Variants in NAV2 observed in about 807,000 individuals in gnomAD.
NAV2 encodes helicase, APC down-regulated 1.
A neutral mutation model predicts 223.2 loss-of-function variants in NAV2; 54 were observed. That is an observed-to-expected ratio of 0.24 (90% CI 0.19 to 0.30). The LOEUF is 0.30. Ranked by LOEUF, NAV2 falls within the 10% of genes least tolerant of loss-of-function variation. NAV2 has a pLI of 1.00. For missense variants in NAV2, 2,806 were observed against 3,147.5 expected (o/e 0.89, Z 2.60); for synonymous variants, 1,279 against 1,239.3 (o/e 1.03, Z -0.67).
At chr11:19,354,616 T>G (rs896143757) in intron 1 of NAV2, among the ~76,000 whole-genome samples, 2 of 152,264 alleles carry the variant, frequency 1.3e-5, no homozygotes, top group East Asian at 1.9e-4. Flanking sequence ...TAACTTAGAT[T>G]CAGTAAAGTG....
chr11:19,870,887 C>G (rs1416715342), intron 4 of NAV2, among the ~76,000 whole-genome samples: 2 of 152,120 alleles, frequency 1.3e-5, no homozygotes, highest in Non-Finnish European at 2.9e-5. Flanking sequence ...TGGATAAAAT[C>G]TAGGTATGCC....
At chr11:19,750,920 A>G (rs1313707548) in intron 1 of NAV2, among the ~76,000 whole-genome samples, 2 of 152,160 alleles carry the variant, frequency 1.3e-5, no homozygotes, top group Non-Finnish European at 2.9e-5. Context: ...TCTGATTCCC[A>G]CCAGGTACTC....
At chr11:19,675,548 TGCCTCCTGGCAC>T (rs1416189155) in intron 1 of NAV2, among the ~76,000 whole-genome samples, 2 of 152,250 alleles carry the variant, frequency 1.3e-5, no homozygotes, top group Non-Finnish European at 2.9e-5. Flanking sequence ...GCATGTCATA[TGCCTCCTGGCAC>T]AGGACATAGC....
At chr11:20,105,852 A>G (rs969626631) in intron 35 of NAV2, 125 bp downstream of exon 35, 9 of 747,744 alleles carry the variant, frequency 1.2e-5, no homozygotes, top group African/African-American at 7.2e-5. Flanking sequence ...AAAGATAGAA[A>G]GTGGGGCAGA....
chr11:19,997,226 G>A (rs2051991426), intron 11 of NAV2, among the ~76,000 whole-genome samples: 1 of 152,178 alleles, frequency 6.6e-6, no homozygotes, highest in Admixed American at 6.5e-5. Context: ...GAAGGTGAGT[G>A]CAGGGACGAC....
intron 1 of NAV2, among the ~76,000 whole-genome samples, chr11:19,471,867 C>T (rs920813384): frequency 1.7e-4 from 26 of 152,148 alleles, no homozygotes; most frequent in Non-Finnish European, 2.9e-4. Context: ...ACTGCTATTC[C>T]CACAGATGCT....
upstream of NAV2, among the ~76,000 whole-genome samples, chr11:19,708,717 G>A (rs563558160): frequency 1.3e-5 from 2 of 152,252 alleles, no homozygotes; most frequent in South Asian, 4.1e-4. Context: ...GAACTATCCA[G>A]TCTCTTAGGA....
intron 1 of NAV2, among the ~76,000 whole-genome samples, chr11:19,786,168 C>G (rs1251915454): frequency 6.6e-6 from 1 of 152,204 alleles, no homozygotes. Flanking sequence ...TAGACTTCTT[C>G]AAAGAGGCAA....
intron 1 of NAV2, among the ~76,000 whole-genome samples, chr11:19,603,763 A>G (rs568260644): frequency 3.0e-4 from 45 of 152,276 alleles, no homozygotes; most frequent in African/African-American, 1.0e-3. Context: ...AAGATGTATA[A>G]CATTAACTGG....
At chr11:20,043,124 G>C (rs1378423972) in intron 12 of NAV2, among the ~76,000 whole-genome samples, 1 of 152,138 alleles carries the variant, frequency 6.6e-6, no homozygotes, top group Non-Finnish European at 1.5e-5. Context: ...TTGAGGATGC[G>C]CTTCCCCTCA....
At chr11:19,927,413 C>G (rs1044597040) in intron 6 of NAV2, among the ~76,000 whole-genome samples, 1 of 152,196 alleles carries the variant, frequency 6.6e-6, no homozygotes, top group Non-Finnish European at 1.5e-5. Context: ...GAAACCCCAT[C>G]TCTACTAAGA....
Position 19,812,387 on chromosome 11 carries a change from C to G in NAV2, c.268-20097C>G, listed in dbSNP as rs540543257. ...CCTGGCCATTCACTCTCTAATGCAT[C>G]TTCATAGCATTTATTATTCTCTAAT... On this transcript the variant is annotated intron_variant, in intron 1 of 37. Transcript: ENST00000349880. 9.2e-4 allele frequency among the ~76,000 whole-genome samples: 140 copies of G among 152,168 alleles called. 3 individuals are homozygous for G. In the South Asian group the frequency reaches 0.026, roughly 29 times the overall value.
rs1027182786 is a variant in NAV2 at position 19,923,694 on chromosome 11, A to T, written c.932-9482A>T. On this transcript the variant is annotated intron_variant, in intron 6 of 37. Coordinates refer to ENST00000349880, the MANE Select transcript of NAV2 (RefSeq NM_145117.5). ...AAAAAGCTGCTGGTTGTGAACAATGACCTCTTGAAAGAATGGGATTTGCCC... is the reference window on the plus strand; with the variant it reads ...AAAAAGCTGCTGGTTGTGAACAATGTCCTCTTGAAAGAATGGGATTTGCCC... 9.8e-5 allele frequency among the ~76,000 whole-genome samples: 15 copies of T among 152,324 alleles called. No individual in the cohort carries two copies. The South Asian group carries it at 3.1e-3, about 32-fold the overall frequency.
chr11:19,662,005 G>T (rs2048296312), intron 1 of NAV2, among the ~76,000 whole-genome samples: 1 of 152,146 alleles, frequency 6.6e-6, no homozygotes, highest in South Asian at 2.1e-4. Flanking sequence ...GGAATGCAGT[G>T]GAAAAGTGCT....
intron 1 of NAV2, among the ~76,000 whole-genome samples, chr11:19,365,464 T>G (rs1454308246): frequency 6.6e-6 from 1 of 152,218 alleles, no homozygotes; most frequent in East Asian, 1.9e-4. Context: ...GTTCCTCAGC[T>G]TCCTTCTTTG....
intron 6 of NAV2, among the ~76,000 whole-genome samples, chr11:19,904,733 G>A (rs1160020793): frequency 2.0e-5 from 3 of 152,254 alleles, no homozygotes; most frequent in Admixed American, 1.3e-4. Flanking sequence ...TGTATATTGT[G>A]AAAAGAACTT....
chr11:19,884,609 G>T (rs79452616), intron 5 of NAV2, among the ~76,000 whole-genome samples: 5 of 152,078 alleles, frequency 3.3e-5, no homozygotes, highest in Non-Finnish European at 7.4e-5. Context: ...ATGACGTTTC[G>T]CATTTTCTTG....
intron 1 of NAV2, chr11:19,510,830 G>C (rs1174733169): frequency 6.6e-6 from 1 of 152,228 alleles, no homozygotes; most frequent in African/African-American, 2.4e-5. Context: ...CTTGGCAGCT[G>C]TGTAGTAGGC....
At chr11:19,513,601 C>T (rs763752981) in intron 1 of NAV2, among the ~76,000 whole-genome samples, 5 of 152,204 alleles carry the variant, frequency 3.3e-5, no homozygotes, top group African/African-American at 9.6e-5. Flanking sequence ...CCTTTTGATG[C>T]TCCCATTATT....
Sources: gnomAD v4.1 joint callset for allele counts (sites outside exome capture counted in the v4.1 genomes callset) on GRCh38, gnomAD v4.1.1 for gene constraint, MANE v1.5 for transcripts, NCBI Gene and HGNC (gene_info 2026-07-23, HGNC 2026-07-21) for gene names.